ERC2: variants seen among roughly 807,000 people sequenced by gnomAD.
ERC2 encodes the protein ERC protein 2.
A neutral mutation model predicts 114.8 loss-of-function variants in ERC2; 42 were observed. The ratio of observed to expected loss-of-function variants is 0.37; its 90% confidence interval spans 0.29 to 0.47. The LOEUF is 0.47. Ranked by LOEUF, ERC2 falls within the 20% of genes least tolerant of loss-of-function variation. The probability of loss-of-function intolerance (pLI) is 0.99; values close to 1 mark genes in which losing one functional copy is unlikely to be tolerated. For missense variants in ERC2, 939 were observed against 1,150.7 expected (o/e 0.82, Z 2.66); for synonymous variants, 454 against 425.5 (o/e 1.07, Z -0.82).
At chr3:55,707,748 C>G (rs1205894661) in intron 15 of ERC2, among the ~76,000 whole-genome samples, 1 of 152,198 alleles carries the variant, frequency 6.6e-6, no homozygotes, top group Non-Finnish European at 1.5e-5. Context: ...ATCAACCCTG[C>G]GATGCAGGCA....
At chr3:56,381,950 C>G (rs1353244528) in intron 2 of ERC2, among the ~76,000 whole-genome samples, 3 of 152,120 alleles carry the variant, frequency 2.0e-5, no homozygotes, top group Admixed American at 6.5e-5. Context: ...GATAGCTTCC[C>G]TTTCCTGACT....
At chr3:55,682,052 C>T (rs763359363) in intron 17 of ERC2, among the ~76,000 whole-genome samples, 29 of 152,202 alleles carry the variant, frequency 1.9e-4, no homozygotes, top group Non-Finnish European at 2.5e-4. Flanking sequence ...CTTTACCTAC[C>T]TCTTCCATGC....
At chr3:56,345,085 T>C (rs2058253334) in intron 2 of ERC2, among the ~76,000 whole-genome samples, 1 of 152,106 alleles carries the variant, frequency 6.6e-6, no homozygotes, top group Non-Finnish European at 1.5e-5. Context: ...AGAAAAGAAG[T>C]CCCCAAGTCT....
intron 14 of ERC2, among the ~76,000 whole-genome samples, chr3:55,878,281 T>C (rs1007108712): frequency 3.3e-5 from 5 of 152,206 alleles, no homozygotes; most frequent in Admixed American, 3.3e-4. Context: ...TTTTTCTCTA[T>C]TAAAACTATA....
At chr3:56,138,465 T>C (rs938715387) in intron 6 of ERC2, among the ~76,000 whole-genome samples, 4 of 152,204 alleles carry the variant, frequency 2.6e-5, no homozygotes, top group African/African-American at 9.7e-5. Flanking sequence ...TGGTCAAAGG[T>C]ATAGGGGCTG....
intron 14 of ERC2, among the ~76,000 whole-genome samples, chr3:55,826,249 C>T (rs772070657): frequency 9.9e-5 from 15 of 152,174 alleles, no homozygotes; most frequent in Non-Finnish European, 1.8e-4. Context: ...CAGGAAAGAA[C>T]AATCAATCCA....
chr3:56,057,750 G>A (rs1171849953), intron 7 of ERC2, among the ~76,000 whole-genome samples: 1 of 152,134 alleles, frequency 6.6e-6, no homozygotes, highest in Non-Finnish European at 1.5e-5. Flanking sequence ...ACACAAAACA[G>A]ACAATGATTC....
intron 17 of ERC2, among the ~76,000 whole-genome samples, chr3:55,668,094 C>T (rs1222545303): frequency 6.6e-6 from 1 of 151,978 alleles, no homozygotes; most frequent in African/African-American, 2.4e-5. Context: ...TCACTATATA[C>T]ATATAAGATA....
At chr3:56,080,752 A>G in intron 7 of ERC2, 65 bp downstream of exon 7, 1 of 1,536,934 alleles carries the variant, frequency 6.5e-7, no homozygotes, top group Non-Finnish European at 8.8e-7. Context: ...CATGTGCTCA[A>G]AATTTTTCTA....
intron 3 of ERC2, among the ~76,000 whole-genome samples, chr3:56,262,223 C>T (rs899457501): frequency 6.6e-6 from 1 of 152,106 alleles, no homozygotes; most frequent in Non-Finnish European, 1.5e-5. Context: ...TGTGTGTCTC[C>T]TCCTGCTGGC....
At chr3:55,589,971 C>G (rs903271533) in intron 17 of ERC2, among the ~76,000 whole-genome samples, 1 of 152,128 alleles carries the variant, frequency 6.6e-6, no homozygotes, top group South Asian at 2.1e-4. Flanking sequence ...ACCTTCTCCT[C>G]CCTGCAGCCT....
chr3:56,046,324 A>G (rs2149673850), intron 7 of ERC2, among the ~76,000 whole-genome samples: 1 of 152,310 alleles, frequency 6.6e-6, no homozygotes, highest in Middle Eastern at 3.4e-3. Context: ...AGATACCCAC[A>G]GGACATGGGT....
intron 13 of ERC2, among the ~76,000 whole-genome samples, chr3:55,949,299 G>A (rs2149441667): frequency 6.6e-6 from 1 of 152,236 alleles, no homozygotes; most frequent in Middle Eastern, 3.4e-3. Flanking sequence ...GAACCCGGGA[G>A]GTGGAGCTTG....
At chr3:55,968,265 G>A (rs2068901711) in intron 12 of ERC2, among the ~76,000 whole-genome samples, 1 of 152,054 alleles carries the variant, frequency 6.6e-6, no homozygotes, top group Admixed American at 6.6e-5. Flanking sequence ...TTTCTATGTT[G>A]CTGTTTGAAG....
intron 14 of ERC2, among the ~76,000 whole-genome samples, chr3:55,806,032 T>C (rs2059474436): frequency 6.6e-6 from 1 of 152,074 alleles, no homozygotes; most frequent in Non-Finnish European, 1.5e-5. Flanking sequence ...AAGCCTGTTA[T>C]CTAAAAGCTT....
At chr3:56,126,653 G>A (rs2079880645) in intron 6 of ERC2, among the ~76,000 whole-genome samples, 1 of 152,036 alleles carries the variant, frequency 6.6e-6, no homozygotes. Flanking sequence ...TACTTGGGAG[G>A]CTGAGGCAGG....
intron 2 of ERC2, among the ~76,000 whole-genome samples, chr3:56,318,203 T>C (rs1484748414): frequency 1.3e-5 from 2 of 152,212 alleles, no homozygotes; most frequent in Non-Finnish European, 2.9e-5. Context: ...TCTCCTTCTT[T>C]TGAGACAATG....
intron 17 of ERC2, among the ~76,000 whole-genome samples, chr3:55,634,275 A>AT (rs1168043919): frequency 5.9e-5 from 9 of 152,204 alleles, no homozygotes; most frequent in African/African-American, 2.2e-4. Flanking sequence ...GTATCCATGC[A>AT]TTCCCCCAGG....
chr3:56,175,796 T>C (rs2082945219), intron 3 of ERC2, among the ~76,000 whole-genome samples: 1 of 152,192 alleles, frequency 6.6e-6, no homozygotes, highest in African/African-American at 2.4e-5. Flanking sequence ...TCTTAGATAA[T>C]AGTAAAGTGT....
Sources: allele counts gnomAD v4.1 joint callset (sites outside exome capture counted in the v4.1 genomes callset), GRCh38; gene constraint gnomAD v4.1.1; transcripts MANE v1.5; gene names NCBI Gene and HGNC (gene_info 2026-07-23, HGNC 2026-07-21).